The following CDCA5 variants were observed in gnomAD, a reference collection of about 807,000 sequenced individuals.
CDCA5 encodes the protein cell division cycle associated 5.
CDCA5 carries 14 observed loss-of-function variants against 25.7 expected under a neutral mutation model. The observed-to-expected ratio is 0.54, with a 90% CI of 0.36 to 0.85. The LOEUF (loss-of-function observed/expected upper bound fraction) is 0.85. CDCA5 is among the 40% of genes least tolerant of loss of function. The pLI is 0.01. For synonymous variants in CDCA5, 127 were observed against 128.7 expected (o/e 0.99, Z 0.09); for missense variants, 307 against 324.5 (o/e 0.95, Z 0.41).
intron 4 of CDCA5, among the ~76,000 whole-genome samples, chr11:65,067,054 T>C (rs1284299396): frequency 1.3e-5 from 2 of 152,224 alleles, no homozygotes; most frequent in Non-Finnish European, 2.9e-5. Flanking sequence ...ATGGGAATTG[T>C]TCTCCCTGAG....
At chr11:65,073,199 C>A (rs1565274621), downstream of CDCA5, among the ~76,000 whole-genome samples, 1 of 152,142 alleles carries the variant, frequency 6.6e-6, no homozygotes, top group Non-Finnish European at 1.5e-5. Flanking sequence ...ACCACCTCAG[C>A]CTCCCAAAGT....
Position 65,079,722 on chromosome 11 carries a change from G to T in CDCA5, c.309C>A (p.Phe103Leu). The T allele has an allele frequency of 6.5e-7, 1 of 1,534,060 alleles. No homozygotes were observed. The highest frequency in any genetic ancestry group is 8.8e-7 in the Non-Finnish European group (1 of 1,142,126). ...PGRELTKEDL[F>L]KTHSVPATPT... ...GGGTGGCAGGGACGCTGTGTGTCTT[G>T]AAAAGGTCCTCCTTAGTAAGCTCCC... The change falls in exon 5 of 6, where the codon TTC becomes TTA. Residue 103 changes from phenylalanine to leucine, a missense_variant. Phe to Leu is a conservative substitution (Grantham distance 22). Transcript: ENST00000275517.
chr11:65,074,753 A>T (rs1315649846), downstream of CDCA5, among the ~76,000 whole-genome samples: 1 of 148,650 alleles, frequency 6.7e-6, no homozygotes, highest in Non-Finnish European at 1.5e-5. Context: ...AAAAAAAAAA[A>T]AAAAAAAAAA....
At chr11:65,071,548 G>A (rs1947344076) in intron 1 of CDCA5, among the ~76,000 whole-genome samples, 1 of 151,594 alleles carries the variant, frequency 6.6e-6, no homozygotes, top group South Asian at 2.1e-4. Context: ...CCCCTAACCT[G>A]GTGATCCGCC....
At chr11:65,063,434 T>A (rs1243391241), downstream of CDCA5, among the ~76,000 whole-genome samples, 1 of 152,114 alleles carries the variant, frequency 6.6e-6, no homozygotes, top group African/African-American at 2.4e-5. Context: ...CCACTGGAGA[T>A]CAGATAACAG....
At chr11:65,082,468 T>TC (rs2137147078) in intron 4 of CDCA5, among the ~76,000 whole-genome samples, 1 of 149,076 alleles carries the variant, frequency 6.7e-6, no homozygotes, top group East Asian at 2.0e-4. Context: ...TCTTTTTTTT[T>TC]TTTTTTTTTT....
chr11:65,068,694 C>A (rs1947287742), intron 1 of CDCA5: 3 of 665,132 alleles, frequency 4.5e-6, no homozygotes, highest in Non-Finnish European at 6.9e-6. Context: ...CGGCTTCCAG[C>A]CTGGCGAGCG....
downstream of CDCA5, among the ~76,000 whole-genome samples, chr11:65,076,835 G>C (rs955495518): frequency 6.6e-6 from 1 of 152,206 alleles, no homozygotes; most frequent in Non-Finnish European, 1.5e-5. Context: ...AAAGGAGCCT[G>C]AAAGGGAATG....
At chr11:65,069,451 C>A (rs1489167036) in intron 1 of CDCA5, among the ~76,000 whole-genome samples, 1 of 151,952 alleles carries the variant, frequency 6.6e-6, no homozygotes, top group Non-Finnish European at 1.5e-5. Context: ...TTCTAGGCAG[C>A]CTAAAATTAC....
Position 65,078,490 on chromosome 11 carries a change from A to G in CDCA5, c.*617T>C, listed in dbSNP as rs1947490144. ...CACACTTATGGTCTGAGACCCAACT[A>G]AGGCTCCCTACATCCTTCAAAACTC... is the stretch of plus-strand genomic sequence containing the variant. On this transcript the variant is annotated 3_prime_UTR_variant, in exon 6 of 6. Coordinates refer to ENST00000275517, the MANE Select transcript of CDCA5 (RefSeq NM_080668.4). 1 of 985,522 alleles carries G rather than the reference A, an allele frequency of 1.0e-6. No individual in the cohort carries two copies. The highest frequency in any genetic ancestry group is 1.1e-4 in the East Asian group (1 of 8,816). 61.0% of individuals were successfully genotyped at this position (985,522 alleles called of 1,614,324 possible). A position where few individuals can be genotyped will look rare whatever the true frequency, so the allele number is the denominator to read the frequency against.
chr11:65,072,274 T>A (rs1221186563), intron 1 of CDCA5, among the ~76,000 whole-genome samples: 1 of 152,008 alleles, frequency 6.6e-6, no homozygotes, highest in East Asian at 1.9e-4. Context: ...AGCCACACTG[T>A]GGAGAGGGGA....
chr11:65,076,360 C>T (rs1565279034), downstream of CDCA5, among the ~76,000 whole-genome samples: 1 of 152,190 alleles, frequency 6.6e-6, no homozygotes, highest in African/African-American at 2.4e-5. Flanking sequence ...AGTGATCCTC[C>T]TGCCTCAGCT....
downstream of CDCA5, among the ~76,000 whole-genome samples, chr11:65,062,083 G>A (rs1947191879): frequency 6.6e-6 from 1 of 151,874 alleles, no homozygotes; most frequent in African/African-American, 2.4e-5. Context: ...ACCATGCCCA[G>A]CTAATTTTGT....
At chr11:65,067,147 G>A (rs1040096683) in intron 4 of CDCA5, among the ~76,000 whole-genome samples, 9 of 152,242 alleles carry the variant, frequency 5.9e-5, no homozygotes, top group African/African-American at 9.6e-5. Context: ...GCTTCTGTGG[G>A]TGGGCTAGAA....
rs1468403310 is a variant in CDCA5, at chr11:65,083,866, C to T, written c.46+67G>A. 1.9e-6 allele frequency: 3 copies of T among 1,601,848 alleles called. No homozygotes were observed. In the African/African-American group the frequency reaches 4.0e-5, roughly 21 times the overall value. On this transcript the variant is annotated intron_variant, in intron 1 of 5. Coordinates refer to ENST00000275517, the MANE Select transcript of CDCA5 (RefSeq NM_080668.4). ...GGCGGCGGCAGCGGGAGGGAAGAGG[C>T]CATCTTTCACCGGACTGCGTCCCCC...
downstream of CDCA5, among the ~76,000 whole-genome samples, chr11:65,075,083 G>C (rs1353156416): frequency 1.4e-5 from 2 of 146,792 alleles, no homozygotes; most frequent in Non-Finnish European, 3.0e-5. Flanking sequence ...AAAAAAAAAA[G>C]GGTTTTAAGG....
At chr11:65,069,844 C>T (rs745716976) in intron 1 of CDCA5, among the ~76,000 whole-genome samples, 6 of 152,226 alleles carry the variant, frequency 3.9e-5, no homozygotes, top group East Asian at 1.9e-4. Flanking sequence ...TTGCCTGTGG[C>T]GTAGGCCTTG....
downstream of CDCA5, among the ~76,000 whole-genome samples, chr11:65,064,674 C>T (rs985397399): frequency 2.6e-5 from 4 of 152,060 alleles, no homozygotes; most frequent in Non-Finnish European, 4.4e-5. Context: ...GTCTGGGATC[C>T]CTACAGCCAT....
downstream of CDCA5, among the ~76,000 whole-genome samples, chr11:65,061,880 C>T (rs1047320179): frequency 1.3e-5 from 2 of 150,956 alleles, no homozygotes; most frequent in Middle Eastern, 3.5e-3. Flanking sequence ...TCCAATCTAA[C>T]CCATCCCCGA....
Sources: gnomAD v4.1 joint callset for allele counts (sites outside exome capture counted in the v4.1 genomes callset) on GRCh38, gnomAD v4.1.1 for gene constraint, MANE v1.5 for transcripts, NCBI Gene and HGNC (gene_info 2026-07-23, HGNC 2026-07-21) for gene names.